Variants in PCDH9 observed in about 807,000 individuals in gnomAD.
The protein encoded by PCDH9 is protocadherin 9.
PCDH9 carries 24 observed loss-of-function variants against 70.6 expected under a neutral mutation model. The ratio of observed to expected loss-of-function variants is 0.34; its 90% confidence interval spans 0.25 to 0.48. PCDH9 has a LOEUF of 0.48. Among genes scored for constraint, PCDH9 ranks in the 20% least tolerant of loss-of-function variants. The pLI is 0.99. For missense variants in PCDH9, 1,281 were observed against 1,503.6 expected (o/e 0.85, Z 2.45); for synonymous variants, 562 against 558.5 (o/e 1.01, Z -0.09).
At chr13:66,913,804 G>T (rs1017620918) in intron 2 of PCDH9, among the ~76,000 whole-genome samples, 1 of 151,938 alleles carries the variant, frequency 6.6e-6, no homozygotes, top group Non-Finnish European at 1.5e-5. Context: ...CATGGCTTTA[G>T]TTATACATTT....
At chr13:67,203,342 T>C (rs1224120244) in intron 2 of PCDH9, 1 of 152,068 alleles carries the variant, frequency 6.6e-6, no homozygotes, top group Non-Finnish European at 1.5e-5. Flanking sequence ...TTTAATGCTG[T>C]CCTGTATATA....
intron 4 of PCDH9, among the ~76,000 whole-genome samples, chr13:66,499,232 A>C (rs1319617451): frequency 6.6e-6 from 1 of 152,136 alleles, no homozygotes; most frequent in African/African-American, 2.4e-5. Context: ...AAAAAAGAAA[A>C]GGTGATGTTA....
At chr13:66,830,710 A>G (rs777724190) in intron 3 of PCDH9, among the ~76,000 whole-genome samples, 11 of 152,196 alleles carry the variant, frequency 7.2e-5, no homozygotes, top group Non-Finnish European at 1.3e-4. Flanking sequence ...AACCATGGCC[A>G]ACAAATATGT....
chr13:66,807,331 T>C (rs896954885), intron 3 of PCDH9, among the ~76,000 whole-genome samples: 2 of 152,156 alleles, frequency 1.3e-5, no homozygotes, highest in African/African-American at 4.8e-5. Flanking sequence ...GATTACCAAA[T>C]AGCTGGATTT....
chr13:67,090,760 G>A (rs988359748), intron 2 of PCDH9, among the ~76,000 whole-genome samples: 3 of 151,872 alleles, frequency 2.0e-5, no homozygotes, highest in Non-Finnish European at 4.4e-5. Context: ...AACACGAAAA[G>A]GCTTGAATCA....
intron 4 of PCDH9, among the ~76,000 whole-genome samples, chr13:66,523,503 A>G (rs984216389): frequency 6.6e-6 from 1 of 152,034 alleles, no homozygotes; most frequent in African/African-American, 2.4e-5. Context: ...TTCTGAACGT[A>G]GTTTTTTTGC....
At chr13:66,879,619 A>T (rs1433526289) in intron 3 of PCDH9, among the ~76,000 whole-genome samples, 1 of 152,208 alleles carries the variant, frequency 6.6e-6, no homozygotes, top group Non-Finnish European at 1.5e-5. Flanking sequence ...AAATAGCACA[A>T]ATATGAAAGA....
intron 4 of PCDH9, among the ~76,000 whole-genome samples, chr13:66,535,620 T>C (rs555750947): frequency 6.6e-6 from 1 of 152,190 alleles, no homozygotes; most frequent in East Asian, 1.9e-4. Flanking sequence ...CTAAACTGGA[T>C]TGATTATGAA....
chr13:67,142,655 A>ATAAATGAATTCAT (rs1475076906), intron 2 of PCDH9, among the ~76,000 whole-genome samples: 4 of 152,174 alleles, frequency 2.6e-5, no homozygotes, highest in Admixed American at 6.5e-5. Flanking sequence ...AATGAATTCA[A>ATAAATGAATTCAT]ATAAATGCCA....
intron 4 of PCDH9, among the ~76,000 whole-genome samples, chr13:66,621,041 T>A (rs529830023): frequency 6.6e-6 from 1 of 152,282 alleles, no homozygotes; most frequent in Non-Finnish European, 1.5e-5. Flanking sequence ...TATATCAAGG[T>A]AACATTTATA....
intron 2 of PCDH9, among the ~76,000 whole-genome samples, chr13:67,184,266 A>G (rs557445659): frequency 6.6e-6 from 1 of 152,318 alleles, no homozygotes; most frequent in Admixed American, 6.5e-5. Context: ...CTTGTTTAAC[A>G]ACAAAACTTG....
At chr13:66,389,069 T>C (rs1956976628) in intron 4 of PCDH9, among the ~76,000 whole-genome samples, 2 of 152,190 alleles carry the variant, frequency 1.3e-5, no homozygotes, top group Admixed American at 1.3e-4. Flanking sequence ...CTACTAAACA[T>C]GCATTTGTAA....
At chr13:67,074,066 A>G (rs990519692) in intron 2 of PCDH9, among the ~76,000 whole-genome samples, 4 of 148,646 alleles carry the variant, frequency 2.7e-5, no homozygotes, top group African/African-American at 4.9e-5. Flanking sequence ...CTATCTATCT[A>G]TCTATCTGTT....
chr13:67,172,307 C>A lies in PCDH9; in HGVS notation c.3036+53098G>T, dbSNP rs191185619. Reference sequence around the variant, plus strand: ...GAGCCCTGGCATCATTCTAAACATACCTCTCCAGGTAGCACATACTAGTAA... The same window carrying A: ...GAGCCCTGGCATCATTCTAAACATAACTCTCCAGGTAGCACATACTAGTAA... On this transcript the variant is annotated intron_variant, in intron 2 of 4. Transcript: ENST00000377865. Among the ~76,000 whole-genome samples the A allele has an allele frequency of 1.1e-3, 172 of 152,272 alleles. 1 individual carries two copies. The highest frequency in any genetic ancestry group is 4.0e-3 in the African/African-American group (165 of 41,548).
intron 3 of PCDH9, among the ~76,000 whole-genome samples, chr13:66,697,843 TA>T (rs1169900035): frequency 1.3e-5 from 2 of 152,220 alleles, no homozygotes; most frequent in African/African-American, 4.8e-5. Flanking sequence ...ATAGCAGCAT[TA>T]TTTACAATAG....
intron 2 of PCDH9, among the ~76,000 whole-genome samples, chr13:67,064,469 T>G (rs2085602073): frequency 6.6e-6 from 1 of 152,196 alleles, no homozygotes; most frequent in Non-Finnish European, 1.5e-5. Context: ...GGAATAACTA[T>G]TTTTAAAAAC....
At chr13:66,678,959 A>T (rs962662823) in intron 3 of PCDH9, among the ~76,000 whole-genome samples, 2 of 151,482 alleles carry the variant, frequency 1.3e-5, no homozygotes, top group Admixed American at 6.6e-5. Flanking sequence ...ATATATATAC[A>T]TCCAGTATAT....
At chr13:67,091,607 T>C (rs919086888) in intron 2 of PCDH9, among the ~76,000 whole-genome samples, 4 of 152,152 alleles carry the variant, frequency 2.6e-5, no homozygotes, top group African/African-American at 4.8e-5. Flanking sequence ...TGTGAGATCA[T>C]TGGCTTTGAA....
At chr13:66,970,644 C>G (rs150821557) in intron 2 of PCDH9, among the ~76,000 whole-genome samples, 7 of 117,042 alleles carry the variant, frequency 6.0e-5, no homozygotes, top group South Asian at 2.8e-4. Flanking sequence ...AAAAAAAAAG[C>G]AAAAAAAAAA....
Sources: allele counts gnomAD v4.1 joint callset (sites outside exome capture counted in the v4.1 genomes callset), GRCh38; gene constraint gnomAD v4.1.1; transcripts MANE v1.5; gene names NCBI Gene and HGNC (gene_info 2026-07-23, HGNC 2026-07-21).